The following KITLG variants were observed in gnomAD, a reference collection of about 807,000 sequenced individuals.
KITLG encodes the protein c-Kit ligand.
KITLG carries 13 observed loss-of-function variants against 34.1 expected under a neutral mutation model. That is an observed-to-expected ratio of 0.38 (90% CI 0.25 to 0.61). The LOEUF (loss-of-function observed/expected upper bound fraction) is 0.61, where lower values mean the gene tolerates loss of function less well. Ranked by LOEUF, KITLG falls within the 20% of genes least tolerant of loss-of-function variation. The probability of loss-of-function intolerance (pLI) is 0.60; values close to 1 mark genes in which losing one functional copy is unlikely to be tolerated. For synonymous variants in KITLG, 110 were observed against 104.0 expected (o/e 1.06, Z -0.35); for missense variants, 292 against 318.9 (o/e 0.92, Z 0.64).
At position 88,497,098 on chromosome 12, in the gene KITLG, A is replaced by G. The variant is rs1414742763; in HGVS notation, c.*121T>C. 2.3e-6 allele frequency: 1 copy of G among 434,024 alleles called. No homozygotes were observed. Among genetic ancestry groups the G allele is most frequent in the South Asian group, 1.7e-5 (1 of 59,846 alleles). 26.9% of individuals were successfully genotyped at this position (434,024 alleles called of 1,614,324 possible). On this transcript the variant is annotated 3_prime_UTR_variant, in exon 10 of 10. Coordinates refer to ENST00000644744, the MANE Select transcript of KITLG (RefSeq NM_000899.5). ...AAAGTCATGGGTAGCAAGAACAGAT[A>G]AAGATGTGGTCTGTCACTCCAGACA...
chr12:88,562,210 A>C (rs1157820135), intron 1 of KITLG, among the ~76,000 whole-genome samples: 1 of 152,224 alleles, frequency 6.6e-6, no homozygotes, highest in Non-Finnish European at 1.5e-5. Context: ...TGCTCATAAA[A>C]GTTCTCCTTC....
In KITLG at chr12:88,545,770, T is replaced by C. The variant is rs1296552272; in HGVS notation, c.111A>G (p.Val37=). Residue 37 remains valine, a synonymous_variant, in exon 2 of 10, where the codon GTA becomes GTG. Transcript: ENST00000644744. ...TACTTACCAATTTAGTGACGTCTTT[T>C]ACATTATTAGTCACACGATTCCTGC... ...GICRNRVTNN[V]KDVTKLVANL... 1 of 1,598,852 alleles carries C rather than the reference T, an allele frequency of 6.3e-7. No individual in the cohort carries two copies. Among genetic ancestry groups the C allele is most frequent in the Non-Finnish European group, 8.6e-7 (1 of 1,166,466 alleles).
chr12:88,537,013 G>A (rs1490466811), intron 2 of KITLG, among the ~76,000 whole-genome samples: 1 of 151,960 alleles, frequency 6.6e-6, no homozygotes. Flanking sequence ...AACAGATGCT[G>A]GTGTGGCTGC....
In KITLG at chr12:88,545,858, A is replaced by T. The variant is rs1298161087; in HGVS notation, c.23T>A (p.Ile8Asn). The change falls in exon 2 of 10, where the codon ATT becomes AAT. Residue 8 changes from isoleucine (I) to asparagine (N), a missense_variant. By Grantham distance (149) the Ile-to-Asn change is moderately radical. Around this residue, in one of 2 missense-constraint regions of KITLG, gnomAD observed 152 missense variants for 207.9 expected, o/e 0.73. Coordinates refer to ENST00000644744, the MANE Select transcript of KITLG (RefSeq NM_000899.5). ...CAGCTGAAGATAAATGCAAGTGAGAATCCAAGTCTAAATGAAAACAGAAAA... is the reference window on the plus strand; with the variant it reads ...CAGCTGAAGATAAATGCAAGTGAGATTCCAAGTCTAAATGAAAACAGAAAA... MKKTQTW[I>N]LTCIYLQLLL... is the part of the protein sequence containing the mutation. 2.5e-6 allele frequency: 4 copies of T among 1,601,090 alleles called. No homozygotes were observed. The highest frequency in any genetic ancestry group is 3.4e-6 in the Non-Finnish European group (4 of 1,168,416).
intron 3 of KITLG, among the ~76,000 whole-genome samples, chr12:88,531,855 A>C (rs1870105008): frequency 6.6e-6 from 1 of 152,156 alleles, no homozygotes; most frequent in Non-Finnish European, 1.5e-5. Context: ...ATATTCAAAC[A>C]ATAAGAAAAC....
chr12:88,538,871 A>ATT (rs1870420923), intron 2 of KITLG, among the ~76,000 whole-genome samples: 1 of 152,182 alleles, frequency 6.6e-6, no homozygotes, highest in Non-Finnish European at 1.5e-5. Flanking sequence ...GTAAAATAAA[A>ATT]AACTGCAAAA....
chr12:88,510,694 A>G (rs558411830), intron 6 of KITLG, among the ~76,000 whole-genome samples: 148 of 152,340 alleles, frequency 9.7e-4, no homozygotes, highest in African/African-American at 3.3e-3. Context: ...TTGGATAACT[A>G]ATAGGTTTGT....
chr12:88,545,351 G>A (rs529039164), intron 2 of KITLG, among the ~76,000 whole-genome samples: 20 of 152,258 alleles, frequency 1.3e-4, no homozygotes, highest in Non-Finnish European at 2.1e-4. Flanking sequence ...ATTTCCTTTC[G>A]TTAGACTTTT....
At chr12:88,506,186 G>A (rs1473161638) in intron 8 of KITLG, 125 bp downstream of exon 8, 4 of 735,188 alleles carry the variant, frequency 5.4e-6, no homozygotes, top group Non-Finnish European at 1.0e-5. Context: ...GATAGAGTTG[G>A]GACTCACTGG....
At chr12:88,511,934 AG>A (rs1271474080) in intron 6 of KITLG, among the ~76,000 whole-genome samples, 2 of 152,174 alleles carry the variant, frequency 1.3e-5, no homozygotes, top group Non-Finnish European at 2.9e-5. Context: ...ACAATTCAAT[AG>A]CCTCTAAAGA....
At chr12:88,544,931 C>T (rs911743569) in intron 2 of KITLG, among the ~76,000 whole-genome samples, 1 of 151,634 alleles carries the variant, frequency 6.6e-6, no homozygotes, top group African/African-American at 2.4e-5. Context: ...CATTTCTTAC[C>T]TATTCTCGCA....
chr12:88,552,530 A>C (rs1387669211), intron 1 of KITLG, among the ~76,000 whole-genome samples: 1 of 151,996 alleles, frequency 6.6e-6, no homozygotes, highest in African/African-American at 2.4e-5. Flanking sequence ...CAGCAATAGA[A>C]AAATAAAACA....
In KITLG at chr12:88,515,610, T is replaced by C; in HGVS notation, c.528A>G (p.Arg176=). 3 of 1,608,382 alleles carry C rather than the reference T, an allele frequency of 1.9e-6. No homozygotes were observed. Among genetic ancestry groups the C allele is most frequent in the South Asian group, 1.1e-5 (1 of 90,986 alleles). ...ACATAAATGGTTTTGTGACACTGAC[T>C]CTGGAATCTAAATAGAAAGCAATAA... is the stretch of plus-strand genomic sequence containing the variant. ...SSTLSPEKDS[R]VSVTKPFMLP... Residue 176 remains arginine, a synonymous_variant, in exon 6 of 10, where the codon AGA becomes AGG. Transcript: ENST00000644744.
At chr12:88,562,390 G>A (rs1041057971) in intron 1 of KITLG, among the ~76,000 whole-genome samples, 5 of 152,136 alleles carry the variant, frequency 3.3e-5, no homozygotes, top group Non-Finnish European at 4.4e-5. Flanking sequence ...TTGCAACATC[G>A]CCAACCAGTT....
intron 9 of KITLG, among the ~76,000 whole-genome samples, chr12:88,501,380 A>G (rs1044208991): frequency 6.6e-6 from 1 of 152,134 alleles, no homozygotes; most frequent in South Asian, 2.1e-4. Context: ...AATCCAAATT[A>G]TATCTATTTT....
intron 1 of KITLG, among the ~76,000 whole-genome samples, chr12:88,549,599 A>C (rs1254394069): frequency 2.0e-5 from 3 of 152,150 alleles, no homozygotes; most frequent in Admixed American, 6.5e-5. Flanking sequence ...GGGGGTAGAG[A>C]AGGTTTGGGA....
intron 1 of KITLG, among the ~76,000 whole-genome samples, chr12:88,552,136 T>C (rs1870937417): frequency 6.6e-6 from 1 of 151,910 alleles, no homozygotes; most frequent in Admixed American, 6.6e-5. Context: ...TTGATGTAAG[T>C]GAGCCTTATT....
chr12:88,534,282 T>C (rs1870220293), intron 2 of KITLG, among the ~76,000 whole-genome samples: 3 of 152,136 alleles, frequency 2.0e-5, no homozygotes, highest in African/African-American at 7.2e-5. Context: ...CTCTACACCC[T>C]CTGGGCACTT....
rs1341370623 is a variant in KITLG at position 88,495,406 on chromosome 12, C to T, written c.*1813G>A. On this transcript the variant is annotated 3_prime_UTR_variant, in exon 10 of 10. Transcript: ENST00000644744. ...ACCTATCAGCAATTTAAATTGATCT[C>T]TGGTTTTATTACTAATCAAGTGTAC... 2.6e-5 allele frequency: 4 copies of T among 152,344 alleles called. No homozygotes were observed. Among genetic ancestry groups the T allele is most frequent in the Non-Finnish European group, 5.9e-5 (4 of 68,000 alleles). 9.4% of individuals were successfully genotyped at this position (152,344 alleles called of 1,614,324 possible).
Sources: allele counts gnomAD v4.1 joint callset (sites outside exome capture counted in the v4.1 genomes callset), GRCh38; gene constraint gnomAD v4.1.1; regional missense constraint gnomAD v4.1.1; transcripts MANE v1.5; gene names NCBI Gene and HGNC (gene_info 2026-07-23, HGNC 2026-07-21).